KCNMA1: variants seen among roughly 807,000 people sequenced by gnomAD.
KCNMA1 encodes potassium calcium-activated channel subfamily M alpha 1.
KCNMA1 carries 29 observed loss-of-function variants against 140.0 expected under a neutral mutation model. The ratio of observed to expected loss-of-function variants is 0.21; its 90% CI spans 0.15 to 0.28. The LOEUF is 0.28. KCNMA1 is among the 10% of genes least tolerant of loss of function. KCNMA1 has a pLI of 1.00. For synonymous variants in KCNMA1, 612 were observed against 611.9 expected, an observed-to-expected ratio of 1.00 and a Z score of 0.00; for missense variants, 880 against 1,602.2, an observed-to-expected ratio of 0.55 and a Z score of 7.70.
At chr10:77,408,639 T>C (rs147785125) in intron 1 of KCNMA1, among the ~76,000 whole-genome samples, 34 of 152,266 alleles carry the variant, frequency 2.2e-4, no homozygotes, top group Admixed American at 8.5e-4. Flanking sequence ...CACCAGATCT[T>C]CTGAAATGCA....
intron 9 of KCNMA1, among the ~76,000 whole-genome samples, chr10:77,092,610 T>A (rs1298345863): frequency 4.6e-5 from 7 of 152,172 alleles, no homozygotes; most frequent in Non-Finnish European, 1.0e-4. Flanking sequence ...CGACCAAGGG[T>A]GTGGGCAAAG....
At chr10:77,242,712 A>G (rs1319346101) in intron 3 of KCNMA1, among the ~76,000 whole-genome samples, 2 of 152,156 alleles carry the variant, frequency 1.3e-5, no homozygotes, top group Non-Finnish European at 2.9e-5. Context: ...AAAATTCCCC[A>G]GTACCTAGCA....
intron 5 of KCNMA1, among the ~76,000 whole-genome samples, chr10:77,163,290 C>T (rs930404248): frequency 6.6e-6 from 1 of 152,190 alleles, no homozygotes; most frequent in Non-Finnish European, 1.5e-5. Context: ...TATTGGGACA[C>T]AGCTATGTCC....
chr10:77,421,875 A>G (rs997795924), intron 1 of KCNMA1, among the ~76,000 whole-genome samples: 19 of 152,180 alleles, frequency 1.2e-4, no homozygotes, highest in African/African-American at 4.6e-4. Flanking sequence ...AATTCACTGA[A>G]TGCCTTGATA....
At chr10:76,946,486 C>T (rs1478231669) in intron 22 of KCNMA1, among the ~76,000 whole-genome samples, 3 of 152,224 alleles carry the variant, frequency 2.0e-5, no homozygotes, top group Non-Finnish European at 4.4e-5. Flanking sequence ...CCTATCTACC[C>T]TCTTTTATGA....
chr10:76,944,134 C>G (rs2063319880), intron 23 of KCNMA1, among the ~76,000 whole-genome samples: 1 of 152,148 alleles, frequency 6.6e-6, no homozygotes, highest in African/African-American at 2.4e-5. Flanking sequence ...TTCTGAGACC[C>G]CTAGACATCT....
chr10:77,628,354 A>G (rs2092790745), intron 1 of KCNMA1, among the ~76,000 whole-genome samples: 1 of 152,194 alleles, frequency 6.6e-6, no homozygotes, highest in African/African-American at 2.4e-5. Context: ...ACTTCACTTC[A>G]AGTCAAAAAC....
intron 17 of KCNMA1, among the ~76,000 whole-genome samples, chr10:77,017,035 A>G (rs1285363583): frequency 3.9e-5 from 6 of 152,314 alleles, no homozygotes; most frequent in Non-Finnish European, 8.8e-5. Flanking sequence ...ATCACATGCC[A>G]TGGAAAATTA....
chr10:76,888,395 A>T (rs1178570599), intron 27 of KCNMA1: 1 of 152,196 alleles, frequency 6.6e-6, no homozygotes, highest in Non-Finnish European at 1.5e-5. Context: ...TACATAATTT[A>T]AAATATATAT....
intron 2 of KCNMA1, among the ~76,000 whole-genome samples, chr10:77,325,780 T>TTCTCCACAGTATCTGCAGAG (rs1188024854): frequency 9.2e-5 from 14 of 152,306 alleles, no homozygotes; most frequent in African/African-American, 3.1e-4. Flanking sequence ...CGCCATACCA[T>TTCTCCACAGTATCTGCAGAG]TCTCCACAGT....
intron 1 of KCNMA1, among the ~76,000 whole-genome samples, chr10:77,527,000 G>A (rs1215467992): frequency 1.3e-5 from 2 of 152,180 alleles, no homozygotes; most frequent in Non-Finnish European, 2.9e-5. Flanking sequence ...TCCTTTGGGG[G>A]CATTGTGTAC....
chr10:77,634,505 C>T (rs2093542949), intron 1 of KCNMA1: 1 of 985,196 alleles, frequency 1.0e-6, no homozygotes, highest in Non-Finnish European at 1.2e-6. Flanking sequence ...ACCAAACGCT[C>T]ATGAAATTGG....
At chr10:76,983,914 GAT>G (rs961530194) in intron 19 of KCNMA1, among the ~76,000 whole-genome samples, 1 of 152,058 alleles carries the variant, frequency 6.6e-6, no homozygotes, top group African/African-American at 2.4e-5. Context: ...ACAGTAAAAA[GAT>G]ATAGCTGTGT....
chr10:77,355,936 A>T (rs575146979), intron 2 of KCNMA1, among the ~76,000 whole-genome samples: 1 of 152,012 alleles, frequency 6.6e-6, no homozygotes, highest in South Asian at 2.1e-4. Context: ...TGAAAAAACG[A>T]CCCCCTGTAC....
chr10:77,240,461 G>A (rs2056985512), intron 3 of KCNMA1, among the ~76,000 whole-genome samples: 1 of 152,170 alleles, frequency 6.6e-6, no homozygotes, highest in Non-Finnish European at 1.5e-5. Flanking sequence ...GCAGATGGAG[G>A]AGCAAGGGTT....
intron 2 of KCNMA1, among the ~76,000 whole-genome samples, chr10:77,371,182 T>G (rs1300793970): frequency 6.6e-6 from 1 of 152,200 alleles, no homozygotes; most frequent in Non-Finnish European, 1.5e-5. Flanking sequence ...CTTTATTTTG[T>G]TTCCCTTCTA....
At chr10:77,220,568 T>C (rs1341799289) in intron 3 of KCNMA1, among the ~76,000 whole-genome samples, 1 of 152,240 alleles carries the variant, frequency 6.6e-6, no homozygotes, top group Non-Finnish European at 1.5e-5. Flanking sequence ...ATCTGGGTCG[T>C]TTTTGTGCAT....
At chr10:77,162,149 T>C (rs2098562112) in intron 5 of KCNMA1, among the ~76,000 whole-genome samples, 2 of 152,200 alleles carry the variant, frequency 1.3e-5, no homozygotes, top group South Asian at 4.1e-4. Flanking sequence ...AGCATCCTTT[T>C]ATGTAAAAGA....
chr10:76,995,093 G>A (rs2083825969), intron 19 of KCNMA1, among the ~76,000 whole-genome samples: 1 of 152,130 alleles, frequency 6.6e-6, no homozygotes, highest in African/African-American at 2.4e-5. Context: ...ACACGTGATA[G>A]CAATCAACTC....
Sources: allele counts gnomAD v4.1 joint callset (sites outside exome capture counted in the v4.1 genomes callset), GRCh38; gene constraint gnomAD v4.1.1; transcripts MANE v1.5; gene names NCBI Gene and HGNC (gene_info 2026-07-23, HGNC 2026-07-21).